Variants in PCDH17 observed in about 807,000 individuals in gnomAD.
PCDH17 encodes the protein protocadherin-17.
A neutral mutation model predicts 67.7 loss-of-function variants in PCDH17; 21 were observed. The ratio of observed to expected loss-of-function variants is 0.31; its 90% CI spans 0.22 to 0.45. The LOEUF (loss-of-function observed/expected upper bound fraction) is 0.45. Ranked by LOEUF, PCDH17 falls within the 20% of genes least tolerant of loss-of-function variation. The pLI, the probability that PCDH17 is intolerant of heterozygous loss-of-function variation, is 1.00. For synonymous variants in PCDH17, 701 were observed against 656.7 expected, an observed-to-expected ratio of 1.07 and a Z score of -1.03; for missense variants, 1,471 against 1,564.8, an observed-to-expected ratio of 0.94 and a Z score of 1.01.
intron 1 of PCDH17, among the ~76,000 whole-genome samples, chr13:57,658,540 T>C (rs1955139408): frequency 6.6e-6 from 1 of 152,204 alleles, no homozygotes; most frequent in African/African-American, 2.4e-5. Context: ...TATATTTTCC[T>C]GGCTTATTGC....
intron 3 of PCDH17, among the ~76,000 whole-genome samples, chr13:57,717,071 G>C (rs1955823592): frequency 6.6e-6 from 1 of 151,928 alleles, no homozygotes; most frequent in Non-Finnish European, 1.5e-5. Flanking sequence ...CCTTGTTCTG[G>C]TGGTATAATA....
At chr13:57,720,208 A>C (rs909136576) in intron 3 of PCDH17, among the ~76,000 whole-genome samples, 39 of 152,022 alleles carry the variant, frequency 2.6e-4, no homozygotes, top group Admixed American at 6.6e-5. Flanking sequence ...GTAGGTTAAA[A>C]AAGAGAGAGA....
At chr13:57,680,148 A>C (rs1955434972) in intron 3 of PCDH17, among the ~76,000 whole-genome samples, 1 of 150,942 alleles carries the variant, frequency 6.6e-6, no homozygotes, top group Admixed American at 6.6e-5. Context: ...ACATATATAT[A>C]TATATAAATA....
intron 3 of PCDH17, among the ~76,000 whole-genome samples, chr13:57,714,671 A>G (rs1240480808): frequency 6.6e-6 from 1 of 151,770 alleles, no homozygotes; most frequent in African/African-American, 2.4e-5. Flanking sequence ...GCCAGAGCAT[A>G]GGTTTCTCAC....
At chr13:57,722,653 T>A (rs1008932904) in intron 3 of PCDH17, among the ~76,000 whole-genome samples, 25 of 152,316 alleles carry the variant, frequency 1.6e-4, no homozygotes, top group Admixed American at 6.5e-4. Flanking sequence ...TTTAACTCTG[T>A]CACTCAGGCT....
intron 3 of PCDH17, among the ~76,000 whole-genome samples, chr13:57,691,528 T>C (rs965877815): frequency 6.6e-6 from 1 of 151,294 alleles, no homozygotes; most frequent in Admixed American, 6.6e-5. Flanking sequence ...ATTATTCTAT[T>C]TGCCTCTTTT....
intron 3 of PCDH17, among the ~76,000 whole-genome samples, chr13:57,671,015 T>C (rs1441070968): frequency 6.6e-6 from 1 of 151,954 alleles, no homozygotes; most frequent in Non-Finnish European, 1.5e-5. Context: ...AGGTTATTTT[T>C]TCTTTTAGTG....
At chr13:57,712,580 A>T (rs1273329036) in intron 3 of PCDH17, among the ~76,000 whole-genome samples, 1 of 151,720 alleles carries the variant, frequency 6.6e-6, no homozygotes, top group Non-Finnish European at 1.5e-5. Flanking sequence ...TGAATAATTC[A>T]TCATACATCC....
chr13:57,631,848 A>G lies in PCDH17; in HGVS notation c.-699A>G, dbSNP rs1210451919. The G allele has an allele frequency of 1.3e-5, 2 of 152,338 alleles. No homozygotes were observed. Among genetic ancestry groups the G allele is most frequent in the East Asian group, 1.9e-4 (1 of 5,188 alleles). 9.4% of individuals were successfully genotyped at this position (152,338 alleles called of 1,614,324 possible). A position where few individuals can be genotyped will look rare whatever the true frequency, so the allele number is the denominator to read the frequency against. On this transcript the variant is annotated 5_prime_UTR_variant, in exon 1 of 4. It removes an upstream start codon present in the reference 5' UTR. Coordinates refer to ENST00000377918, the MANE Select transcript of PCDH17 (RefSeq NM_001040429.3). ...GCCGCCGCCGCTGCCTCAGCCAGCA[A>G]TGCAAGATTAGATCTCTAAATGCAG...
chr13:57,640,906 A>G (rs1265318719), intron 1 of PCDH17, among the ~76,000 whole-genome samples: 1 of 152,038 alleles, frequency 6.6e-6, no homozygotes, highest in East Asian at 1.9e-4. Context: ...TAATTACAAT[A>G]TTAGTCATTG....
rs1398610173 is a variant in PCDH17 at position 57,634,421 on chromosome 13, C to T, written c.1875C>T (p.Tyr625=). Residue 625 remains tyrosine (Y), a synonymous_variant, in exon 1 of 4, where the codon TAC becomes TAT. Transcript: ENST00000377918. The surrounding 1 kb of genome is among the most constrained non-coding windows in gnomAD (Gnocchi z 7.8). The part of the protein sequence containing the change: ...SDFGESGRLT[Y]EIVDGNDDHL... ...TCGGCGAGAGCGGGCGTCTCACCTA[C>T]GAGATCGTGGACGGCAACGACGACC... The T allele has an allele frequency of 6.2e-7, 1 of 1,612,872 alleles. No individual in the cohort carries two copies.
intron 3 of PCDH17, among the ~76,000 whole-genome samples, chr13:57,686,501 C>T (rs1262578771): frequency 7.9e-5 from 12 of 151,790 alleles, no homozygotes; most frequent in Non-Finnish European, 1.5e-5. Flanking sequence ...TCAAAGGGGC[C>T]AGTCTGGGTC....
chr13:57,656,291 A>C (rs976903996), intron 1 of PCDH17, among the ~76,000 whole-genome samples: 1 of 152,150 alleles, frequency 6.6e-6, no homozygotes. Flanking sequence ...TAGCTAAATA[A>C]ATTAGGCTAA....
In PCDH17 at chr13:57,633,959, G is replaced by A. The variant is rs41292836; in HGVS notation, c.1413G>A (p.Arg471=). ...KILDENDNPP[R]FTKGLYVLQV... ...TAGACGAGAACGACAACCCGCCTCGGTTCACCAAAGGGCTCTACGTGCTTC... is the reference window on the plus strand; with the variant it reads ...TAGACGAGAACGACAACCCGCCTCGATTCACCAAAGGGCTCTACGTGCTTC... The change falls in exon 1 of 4, where the codon CGG becomes CGA. Residue 471 remains arginine (R), a synonymous_variant. Coordinates refer to ENST00000377918, the MANE Select transcript of PCDH17 (RefSeq NM_001040429.3). This position sits in a 1 kb window ranked among gnomAD's most constrained non-coding sequence, Gnocchi z 6.2. 88 of 1,613,598 alleles carry A rather than the reference G, an allele frequency of 5.5e-5. No individual in the cohort carries two copies. Among genetic ancestry groups the A allele is most frequent in the Non-Finnish European group, 7.0e-5 (83 of 1,180,016 alleles).
intron 1 of PCDH17, among the ~76,000 whole-genome samples, chr13:57,641,188 C>A (rs1472053308): frequency 6.6e-6 from 1 of 151,722 alleles, no homozygotes; most frequent in African/African-American, 2.4e-5. Flanking sequence ...GTAAAGGAGG[C>A]TTTGACAATA....
At chr13:57,664,390 TATG>T (rs1955223994) in intron 1 of PCDH17, among the ~76,000 whole-genome samples, 1 of 152,206 alleles carries the variant, frequency 6.6e-6, no homozygotes, top group African/African-American at 2.4e-5. Flanking sequence ...TCAATGGAAA[TATG>T]ATTTCATTTC....
rs933440412 is a variant in PCDH17 at position 57,635,195 on chromosome 13, C to T, written c.2565+84C>T. 8.6e-6 allele frequency: 12 copies of T among 1,400,088 alleles called. No homozygotes were observed. In the Admixed American group the frequency reaches 2.6e-4, roughly 30 times the overall value. The allele number at this position is 1,400,088 out of a possible 1,614,324, so 86.7% of individuals were successfully genotyped here. Reference sequence around the variant, plus strand: ...GAAACCTTTGGAACAGGGCAAGCCACTCTGCCAGCAGCAGTGAGGGGGAAA... The same window carrying T: ...GAAACCTTTGGAACAGGGCAAGCCATTCTGCCAGCAGCAGTGAGGGGGAAA... On this transcript the variant is annotated intron_variant, in intron 1 of 3. Transcript: ENST00000377918.
At chr13:57,696,311 A>G (rs1593934601) in intron 3 of PCDH17, among the ~76,000 whole-genome samples, 2 of 151,434 alleles carry the variant, frequency 1.3e-5, no homozygotes, top group African/African-American at 2.4e-5. Context: ...AATTATTTAA[A>G]TCTTTATTTT....
chr13:57,665,877 C>T (rs1051154305), intron 1 of PCDH17, among the ~76,000 whole-genome samples: 1 of 152,068 alleles, frequency 6.6e-6, no homozygotes, highest in East Asian at 1.9e-4. Flanking sequence ...GAAATCCATT[C>T]CGACTGGATT....
Sources: gnomAD v4.1 joint callset for allele counts (sites outside exome capture counted in the v4.1 genomes callset) on GRCh38, gnomAD v4.1.1 for gene constraint, Gnocchi (gnomAD v3.1) non-coding constraint, MANE v1.5 for transcripts, NCBI Gene and HGNC (gene_info 2026-07-23, HGNC 2026-07-21) for gene names.